Variants in RERG observed in about 807,000 individuals in gnomAD.
The protein encoded by RERG is ras-related and estrogen-regulated growth inhibitor.
Under a neutral mutation model 23.2 loss-of-function variants are expected in RERG, and 25 were observed. The ratio of observed to expected loss-of-function variants is 1.08; its 90% CI spans 0.79 to 1.50. The LOEUF (loss-of-function observed/expected upper bound fraction) is 1.50, where lower values mean the gene tolerates loss of function less well. Among genes scored for constraint, RERG ranks in the 40% most tolerant of loss-of-function variants. The probability of loss-of-function intolerance (pLI) is 0.00; values close to 1 mark genes in which losing one functional copy is unlikely to be tolerated. For synonymous variants in RERG, 81 were observed against 89.1 expected (o/e 0.91, Z 0.51); for missense variants, 253 against 250.1 (o/e 1.01, Z -0.08).
At chr12:15,148,040 ATATATAATATTTATG>A (rs1176103171) in intron 2 of RERG, among the ~76,000 whole-genome samples, 1 of 152,176 alleles carries the variant, frequency 6.6e-6, no homozygotes, top group East Asian at 1.9e-4. Context: ...AATCATTTTG[ATATATAATATTTATG>A]TAAGGTCATA....
chr12:15,159,207 T>C (rs1034050471), intron 2 of RERG, among the ~76,000 whole-genome samples: 1 of 152,202 alleles, frequency 6.6e-6, no homozygotes, highest in East Asian at 1.9e-4. Flanking sequence ...TGGATTGTAA[T>C]CCATTACTGA....
At chr12:15,212,042 CTTTTTTTTTTTTTTT>C (rs772353150) in intron 2 of RERG, among the ~76,000 whole-genome samples, 3 of 64,730 alleles carry the variant, frequency 4.6e-5, no homozygotes, top group Non-Finnish European at 6.1e-5. Flanking sequence ...CACGAATAAA[CTTTTTTTTTTTTTTT>C]TTTTTTTTTT....
chr12:15,156,249 T>G (rs1864520603), intron 2 of RERG, among the ~76,000 whole-genome samples: 1 of 152,196 alleles, frequency 6.6e-6, no homozygotes, highest in African/African-American at 2.4e-5. Context: ...ACACTGTGAT[T>G]TGTTTCTACA....
At chr12:15,202,038 A>G (rs1429642651) in intron 2 of RERG, among the ~76,000 whole-genome samples, 1 of 151,764 alleles carries the variant, frequency 6.6e-6, no homozygotes, top group Admixed American at 6.6e-5. Context: ...TTCCTTCCTA[A>G]TCAACATTTA....
chr12:15,140,598 C>T (rs979742192), intron 2 of RERG, among the ~76,000 whole-genome samples: 1 of 152,008 alleles, frequency 6.6e-6, no homozygotes, highest in African/African-American at 2.4e-5. Context: ...GCTCTGCTAC[C>T]GATGAATTCT....
At chr12:15,128,477 T>G (rs1012158504) in intron 2 of RERG, among the ~76,000 whole-genome samples, 7 of 152,198 alleles carry the variant, frequency 4.6e-5, no homozygotes, top group African/African-American at 1.7e-4. Context: ...GAAAATAAGA[T>G]ACAGTTTCTA....
At chr12:15,179,946 A>G (rs937270552) in intron 2 of RERG, among the ~76,000 whole-genome samples, 3 of 152,174 alleles carry the variant, frequency 2.0e-5, no homozygotes, top group African/African-American at 7.2e-5. Context: ...GTCAGGGGCC[A>G]GGCCAAAGTT....
rs1234565536 is a variant in RERG, at chr12:15,111,388, C to T, written c.148G>A (p.Asp50Asn). 1.9e-6 allele frequency: 3 copies of T among 1,613,076 alleles called. No individual in the cohort carries two copies. The highest frequency in any genetic ancestry group is 1.7e-5 in the Admixed American group (1 of 59,954). ...ESTYRHQATI[D>N]DEVVSMEILD... ...ATCTCCATGGAAACAACTTCATCAT[C>T]GATGGTTGCTTGGTGTCGGTAGGTT... The change falls in exon 4 of 5, where the codon GAT becomes AAT. Residue 50 changes from aspartate (D) to asparagine (N), a missense_variant. Transcript: ENST00000256953.
chr12:15,110,484 T>TC (rs1863591105), intron 4 of RERG, among the ~76,000 whole-genome samples: 1 of 131,552 alleles, frequency 7.6e-6, no homozygotes, highest in African/African-American at 2.9e-5. Flanking sequence ...TTTTTTTTTT[T>TC]TTTTTTTTTA....
intron 2 of RERG, among the ~76,000 whole-genome samples, chr12:15,209,941 G>A (rs1442712405): frequency 6.6e-6 from 1 of 152,172 alleles, no homozygotes. Flanking sequence ...GTATGGATAA[G>A]CTTTACATAT....
intron 2 of RERG, among the ~76,000 whole-genome samples, chr12:15,158,329 T>TGGAGGA (rs1044418845): frequency 6.6e-6 from 1 of 152,148 alleles, no homozygotes; most frequent in Non-Finnish European, 1.5e-5. Context: ...TCATCCAGGC[T>TGGAGGA]GGAACACAGT....
intron 2 of RERG, among the ~76,000 whole-genome samples, chr12:15,128,439 AT>A (rs67507928): frequency 0.68 from 103,660 of 152,120 alleles, 35,431 homozygotes; most frequent in Admixed American, 0.75. Context: ...ACCAGGAACC[AT>A]TTTTAGGCAG....
chr12:15,201,626 AT>A (rs1172074350), intron 2 of RERG, among the ~76,000 whole-genome samples: 2 of 149,182 alleles, frequency 1.3e-5, no homozygotes, highest in East Asian at 3.9e-4. Context: ...GCTAATATTA[AT>A]TATTAGTAAT....
intron 2 of RERG, among the ~76,000 whole-genome samples, chr12:15,215,072 C>T (rs1017258272): frequency 2.0e-5 from 3 of 152,192 alleles, no homozygotes; most frequent in African/African-American, 7.2e-5. Flanking sequence ...CTGTCATTGT[C>T]ATTTTCACCT....
chr12:15,192,492 T>C (rs1009828329), intron 2 of RERG, among the ~76,000 whole-genome samples: 12 of 152,180 alleles, frequency 7.9e-5, no homozygotes, highest in African/African-American at 2.7e-4. Flanking sequence ...CCTTTTTATT[T>C]TGAGATAATT....
At chr12:15,151,151 AT>A (rs1161954744) in intron 2 of RERG, among the ~76,000 whole-genome samples, 1 of 152,078 alleles carries the variant, frequency 6.6e-6, no homozygotes, top group Admixed American at 6.6e-5. Context: ...ACTATGGGTG[AT>A]TTTTTTCCTC....
chr12:15,147,977 C>T (rs1023705979), intron 2 of RERG, among the ~76,000 whole-genome samples: 8 of 152,074 alleles, frequency 5.3e-5, no homozygotes, highest in Non-Finnish European at 8.8e-5. Context: ...AGTGGTTAGA[C>T]GCAAGAAAAC....
intron 2 of RERG, among the ~76,000 whole-genome samples, chr12:15,129,310 A>T (rs1460416366): frequency 6.6e-6 from 1 of 151,774 alleles, no homozygotes; most frequent in African/African-American, 2.4e-5. Context: ...AAATTATGTG[A>T]TTTGAAATGT....
chr12:15,205,365 T>A (rs1865269104), intron 2 of RERG, among the ~76,000 whole-genome samples: 1 of 151,982 alleles, frequency 6.6e-6, no homozygotes, highest in African/African-American at 2.4e-5. Context: ...ACCTAAGAAA[T>A]CGTGGGTTAA....
Sources: gnomAD v4.1 joint callset for allele counts (sites outside exome capture counted in the v4.1 genomes callset) on GRCh38, gnomAD v4.1.1 for gene constraint, MANE v1.5 for transcripts, NCBI Gene and HGNC (gene_info 2026-07-23, HGNC 2026-07-21) for gene names.